The following KPNA7 variants were observed in gnomAD, a reference collection of about 807,000 sequenced individuals.
KPNA7 encodes the protein karyopherin subunit alpha 7.
Under a neutral mutation model 53.7 loss-of-function variants are expected in KPNA7, and 54 were observed. The observed-to-expected ratio is 1.01, with a 90% CI of 0.81 to 1.26. The LOEUF is 1.26. Among genes scored for constraint, KPNA7 ranks in the 50% most tolerant of loss-of-function variants. KPNA7 has a pLI of 0.00. For synonymous variants in KPNA7, 276 were observed against 259.3 expected (o/e 1.06, Z -0.62); for missense variants, 640 against 644.5 (o/e 0.99, Z 0.07).
chr7:99,203,346 T>A (rs1035659185), intron 2 of KPNA7, 106 bp from the exon 3 acceptor site: 2 of 1,195,576 alleles, frequency 1.7e-6, no homozygotes, highest in African/African-American at 3.0e-5. Flanking sequence ...ACAGATACAA[T>A]AGGCTGGAAA....
chr7:99,210,727 T>C (rs1415415047), upstream of KPNA7, among the ~76,000 whole-genome samples: 1 of 152,072 alleles, frequency 6.6e-6, no homozygotes, highest in African/African-American at 2.4e-5. Context: ...CAGCTAGGAC[T>C]ACAGGCACAA....
the KPNA7 span, among the ~76,000 whole-genome samples, chr7:99,153,015 G>A: frequency 6.6e-6 from 1 of 152,114 alleles, no homozygotes; most frequent in African/African-American, 2.4e-5. Context: ...ACCATGCATC[G>A]GAATGGAATA....
At chr7:99,145,969 C>T in the KPNA7 span, among the ~76,000 whole-genome samples, 4 of 152,310 alleles carry the variant, frequency 2.6e-5, no homozygotes, top group Middle Eastern at 3.4e-3. Context: ...TAAGCAATAG[C>T]AGTAGAGCCA....
chr7:99,163,359 G>GTATATATATATA, the KPNA7 span, among the ~76,000 whole-genome samples: 4 of 66,414 alleles, frequency 6.0e-5, no homozygotes, highest in African/African-American at 1.8e-4. Context: ...ATGAGTGTGT[G>GTATATATATATA]TATATATATA....
the KPNA7 span, among the ~76,000 whole-genome samples, chr7:99,164,280 C>T: frequency 3.3e-4 from 50 of 151,894 alleles, no homozygotes; most frequent in African/African-American, 1.2e-3. Context: ...AAATGTGGCA[C>T]ATATACACCA....
intron 3 of KPNA7, among the ~76,000 whole-genome samples, chr7:99,202,769 C>A (rs914395529): frequency 1.3e-5 from 2 of 152,054 alleles, no homozygotes; most frequent in African/African-American, 4.8e-5. Flanking sequence ...CGCTTGAACC[C>A]AGGGAGATTA....
rs1252037588 is a variant in KPNA7, at chr7:99,173,654, TAAA to T, written c.*51_*53del. On this transcript the variant is annotated 3_prime_UTR_variant, in exon 11 of 11. Transcript: ENST00000327442. ...ACTAAGATAGAGGACTGCTGCTTCT[TAAA>T]GAAGTTATCCTTTAGCACTGGGTTG... 8 of 1,167,766 alleles carry T rather than the reference TAAA, an allele frequency of 6.9e-6. No homozygotes were observed. Among genetic ancestry groups the T allele is most frequent in the South Asian group, 1.4e-5 (1 of 71,794 alleles). 72.3% of individuals were successfully genotyped at this position (1,167,766 alleles called of 1,614,324 possible). A position where few individuals can be genotyped will look rare whatever the true frequency, so the allele number is the denominator to read the frequency against.
At chr7:99,187,764 T>C (rs1789674655) in intron 7 of KPNA7, among the ~76,000 whole-genome samples, 1 of 148,198 alleles carries the variant, frequency 6.7e-6, no homozygotes, top group African/African-American at 2.5e-5. Context: ...TTTGTATTTT[T>C]ACAGCTGTGA....
intron 6 of KPNA7, among the ~76,000 whole-genome samples, chr7:99,191,912 A>G (rs1299232476): frequency 1.3e-5 from 2 of 152,104 alleles, no homozygotes; most frequent in African/African-American, 4.8e-5. Context: ...AGCTTCCCAA[A>G]TTGTTGGGAT....
chr7:99,209,705 A>G (rs1009092199), upstream of KPNA7, among the ~76,000 whole-genome samples: 33 of 125,426 alleles, frequency 2.6e-4, no homozygotes, highest in Middle Eastern at 4.6e-3. Flanking sequence ...AAAAAAAAAA[A>G]AAAAAGAAAA....
chr7:99,174,789 C>G (rs1798839673), intron 10 of KPNA7, among the ~76,000 whole-genome samples: 1 of 151,686 alleles, frequency 6.6e-6, no homozygotes, highest in East Asian at 1.9e-4. Context: ...GGATCAAACC[C>G]CCTTTAAAAG....
At chr7:99,163,184 A>G in the KPNA7 span, among the ~76,000 whole-genome samples, 38 of 148,790 alleles carry the variant, frequency 2.6e-4, no homozygotes, top group Admixed American at 4.1e-4. Context: ...TCTGCCTCAG[A>G]AAAAAAAAAG....
At chr7:99,173,062 CAAAAAAAAAAA>C (rs923484332), downstream of KPNA7, among the ~76,000 whole-genome samples, 33 of 57,174 alleles carry the variant, frequency 5.8e-4, no homozygotes, top group Admixed American at 7.0e-3. Context: ...AACTCCATCT[CAAAAAAAAAAA>C]AAAAAAAAAA....
intron 9 of KPNA7, among the ~76,000 whole-genome samples, chr7:99,179,065 ATGCACTT>A (rs1273088454): frequency 2.0e-5 from 3 of 151,836 alleles, no homozygotes; most frequent in African/African-American, 7.3e-5. Flanking sequence ...GCATGAGCCA[ATGCACTT>A]GGCCCAAATA....
At chr7:99,153,549 CAAA>C in the KPNA7 span, among the ~76,000 whole-genome samples, 8 of 117,596 alleles carry the variant, frequency 6.8e-5, no homozygotes, top group Admixed American at 8.9e-5. Context: ...GACACTGTCT[CAAA>C]AAAAAAAAAA....
At chr7:99,210,603 T>C (rs1327380462), upstream of KPNA7, among the ~76,000 whole-genome samples, 1 of 152,110 alleles carries the variant, frequency 6.6e-6, no homozygotes, top group African/African-American at 2.4e-5. Flanking sequence ...TGTTTTGCTT[T>C]TGAGACAGTC....
rs145125623 is a variant in KPNA7, at chr7:99,216,703, G to T, written c.-23-9214C>A. Among the ~76,000 whole-genome samples the T allele has an allele frequency of 5.7e-3, 860 of 152,158 alleles. 8 individuals are homozygous for T. Among genetic ancestry groups the T allele is most frequent in the African/African-American group, 0.02 (831 of 41,520 alleles). On this transcript the variant is annotated intron_variant, in intron 1 of 10. Transcript: ENST00000681060. Reference sequence around the variant, plus strand: ...CAGCCCCCTGAGTAGCTGGGATTACGGGCATGCGCCACCATGCCTAGCTAA... The same window carrying T: ...CAGCCCCCTGAGTAGCTGGGATTACTGGCATGCGCCACCATGCCTAGCTAA...
At chr7:99,173,062 C>CAAAAAAAAAA (rs923484332), downstream of KPNA7, among the ~76,000 whole-genome samples, 17 of 57,162 alleles carry the variant, frequency 3.0e-4, no homozygotes, top group African/African-American at 9.0e-4. Flanking sequence ...AACTCCATCT[C>CAAAAAAAAAA]AAAAAAAAAA....
At chr7:99,158,711 C>T in the KPNA7 span, among the ~76,000 whole-genome samples, 1 of 151,776 alleles carries the variant, frequency 6.6e-6, no homozygotes, top group Non-Finnish European at 1.5e-5. Flanking sequence ...ACCAAGTTGG[C>T]CAGGCTTGTC....
Sources: allele counts gnomAD v4.1 joint callset (sites outside exome capture counted in the v4.1 genomes callset), GRCh38; gene constraint gnomAD v4.1.1; transcripts MANE v1.5; gene names NCBI Gene and HGNC (gene_info 2026-07-23, HGNC 2026-07-21).